SAE1: variants seen among roughly 807,000 people sequenced by gnomAD.
The protein encoded by SAE1 is SUMO-activating enzyme subunit 1.
A neutral mutation model predicts 40.6 loss-of-function variants in SAE1; 11 were observed. That is an observed-to-expected ratio of 0.27 (90% CI 0.17 to 0.45). The LOEUF (loss-of-function observed/expected upper bound fraction) is 0.45, where lower values mean the gene tolerates loss of function less well. Among genes scored for constraint, SAE1 ranks in the 20% least tolerant of loss-of-function variants. SAE1 has a pLI of 1.00. For synonymous variants in SAE1, 155 were observed against 154.3 expected (o/e 1.00, Z -0.03); for missense variants, 373 against 427.3 (o/e 0.87, Z 1.12).
At chr19:47,146,847 C>T (rs975588511) in intron 2 of SAE1, among the ~76,000 whole-genome samples, 10 of 151,920 alleles carry the variant, frequency 6.6e-5, no homozygotes, top group Admixed American at 2.6e-4. Context: ...TGGTGGACTC[C>T]GGAGACAGCA....
intron 6 of SAE1, among the ~76,000 whole-genome samples, chr19:47,195,692 C>T (rs1458503620): frequency 6.6e-6 from 1 of 150,844 alleles, no homozygotes; most frequent in African/African-American, 2.4e-5. Context: ...CCTTCCCCTT[C>T]GCTTCTTCCT....
At chr19:47,164,749 A>G (rs191405346) in intron 5 of SAE1, among the ~76,000 whole-genome samples, 2 of 146,978 alleles carry the variant, frequency 1.4e-5, no homozygotes, top group East Asian at 2.1e-4. Context: ...CCCAGGTTCA[A>G]GCGATTCTCC....
chr19:47,201,028 T>A (rs987488425), intron 7 of SAE1, among the ~76,000 whole-genome samples: 9 of 150,918 alleles, frequency 6.0e-5, no homozygotes, highest in Non-Finnish European at 5.9e-5. Flanking sequence ...CAGCTATTTT[T>A]TTTTATTTTT....
At chr19:47,157,621 T>TA (rs2058332085) in intron 5 of SAE1, among the ~76,000 whole-genome samples, 5 of 152,220 alleles carry the variant, frequency 3.3e-5, no homozygotes, top group Admixed American at 3.3e-4. Context: ...TTTATCTCGC[T>TA]ATGAGGAGAA....
chr19:47,182,541 A>G (rs1243538177), intron 6 of SAE1, among the ~76,000 whole-genome samples: 6 of 151,730 alleles, frequency 4.0e-5, no homozygotes, highest in Admixed American at 2.6e-4. Context: ...TATCAGTGGT[A>G]GAGAATGCAG....
chr19:47,191,049 C>G (rs2058574833), intron 6 of SAE1, among the ~76,000 whole-genome samples: 2 of 152,208 alleles, frequency 1.3e-5, no homozygotes, highest in Non-Finnish European at 2.9e-5. Context: ...CATTTCTGCT[C>G]CAGTACTTGG....
intron 5 of SAE1, among the ~76,000 whole-genome samples, chr19:47,168,705 G>A (rs1363050108): frequency 6.6e-6 from 1 of 152,044 alleles, no homozygotes; most frequent in Non-Finnish European, 1.5e-5. Flanking sequence ...CTAGGTTCAA[G>A]CGATTCTCCT....
intron 6 of SAE1, among the ~76,000 whole-genome samples, chr19:47,175,399 A>G (rs996981685): frequency 6.6e-6 from 1 of 152,170 alleles, no homozygotes; most frequent in Admixed American, 6.5e-5. Flanking sequence ...AATTTAGACC[A>G]TGAGGTTTGT....
rs766791387 is a variant in SAE1 at position 47,151,609 on chromosome 19, T to G, written c.384+1234T>G. Among the ~76,000 whole-genome samples the G allele has an allele frequency of 1.1e-4, 17 of 152,234 alleles. 1 individual carries two copies. Among genetic ancestry groups the G allele is most frequent in the Admixed American group, 2.0e-4 (3 of 15,268 alleles). On this transcript the variant is annotated intron_variant, in intron 3 of 8. Coordinates refer to ENST00000270225, the MANE Select transcript of SAE1 (RefSeq NM_005500.3). ...CCTCAGCCTCCCGTTTTTACACTTT[T>G]CTATTTCATATGTGCATCTGTTCAA...
At chr19:47,131,234 CCGAAGGA>C in intron 1 of SAE1, 2 of 1,292,886 alleles carry the variant, frequency 1.5e-6, no homozygotes, top group East Asian at 6.2e-5. Flanking sequence ...GAGGGCCGTT[CCGAAGGA>C]TGGGAGCTCT....
intron 8 of SAE1, among the ~76,000 whole-genome samples, chr19:47,205,560 G>A (rs2058682027): frequency 6.6e-6 from 1 of 152,138 alleles, no homozygotes; most frequent in Admixed American, 6.5e-5. Flanking sequence ...CCAGAGGACT[G>A]TTCGAGCAGG....
chr19:47,159,882 C>T (rs1368411465), intron 5 of SAE1, among the ~76,000 whole-genome samples: 3 of 152,036 alleles, frequency 2.0e-5, no homozygotes, highest in African/African-American at 4.8e-5. Flanking sequence ...TTAGTAGAGA[C>T]GGTATTTCTC....
At chr19:47,164,639 C>CTTTTTTTTTTTTTTTT (rs1166301382) in intron 5 of SAE1, among the ~76,000 whole-genome samples, 2 of 78,388 alleles carry the variant, frequency 2.6e-5, no homozygotes, top group African/African-American at 1.1e-4. Flanking sequence ...GAGAATTCAC[C>CTTTTTTTTTTTTTTTT]TTTTTTTTTT....
chr19:47,134,943 G>A (rs1174710586), intron 1 of SAE1, among the ~76,000 whole-genome samples: 1 of 151,994 alleles, frequency 6.6e-6, no homozygotes, highest in Non-Finnish European at 1.5e-5. Flanking sequence ...GGAAGAGGTT[G>A]TTTGTAATTT....
chr19:47,142,242 G>A (rs959309233), intron 1 of SAE1, among the ~76,000 whole-genome samples: 1 of 152,024 alleles, frequency 6.6e-6, no homozygotes, highest in Non-Finnish European at 1.5e-5. Flanking sequence ...AAACTAGCCA[G>A]GCGTGACAGT....
intron 2 of SAE1, among the ~76,000 whole-genome samples, chr19:47,146,603 A>G (rs2058256536): frequency 6.6e-6 from 1 of 152,208 alleles, no homozygotes; most frequent in Non-Finnish European, 1.5e-5. Context: ...TTGAGTCCTC[A>G]CAACACATCT....
In SAE1 at chr19:47,190,573, G is replaced by A. The variant is rs563625886; in HGVS notation, c.734-6660G>A. Among the ~76,000 whole-genome samples, 22 of 152,236 alleles carry A rather than the reference G, an allele frequency of 1.4e-4. No individual in the cohort carries two copies. The South Asian group carries it at 4.6e-3, about 32-fold the overall frequency. On this transcript the variant is annotated intron_variant, in intron 6 of 8. Transcript: ENST00000270225. ...TGCAAGTAAGTGGCTGGACTGATTGGCCCCCTTCCCAGAGGCCCTGCAAGG... is the reference window on the plus strand; with the variant it reads ...TGCAAGTAAGTGGCTGGACTGATTGACCCCCTTCCCAGAGGCCCTGCAAGG...
chr19:47,135,711 C>T (rs2058174951), intron 1 of SAE1: 1 of 152,158 alleles, frequency 6.6e-6, no homozygotes, highest in African/African-American at 2.4e-5. Context: ...GTCTCCAACT[C>T]CTGGGCTCAA....
intron 5 of SAE1, among the ~76,000 whole-genome samples, chr19:47,160,214 ATTTTTTTTTTT>A (rs748289334): frequency 1.3e-5 from 1 of 74,588 alleles, no homozygotes; most frequent in African/African-American, 5.5e-5. Flanking sequence ...AAAATCCTGC[ATTTTTTTTTTT>A]TTTTTTTTTT....
Sources: allele counts gnomAD v4.1 joint callset (sites outside exome capture counted in the v4.1 genomes callset), GRCh38; gene constraint gnomAD v4.1.1; transcripts MANE v1.5; gene names NCBI Gene and HGNC (gene_info 2026-07-23, HGNC 2026-07-21).